Variants in ASIC2 observed in about 807,000 individuals in gnomAD.
The protein encoded by ASIC2 is acid sensing ion channel subunit 2, also known as acid-sensing ion channel 2.
Under a neutral mutation model 57.3 loss-of-function variants are expected in ASIC2, and 25 were observed. The observed-to-expected ratio is 0.44, with a 90% CI of 0.32 to 0.61. The LOEUF (loss-of-function observed/expected upper bound fraction) is 0.61, where lower values mean the gene tolerates loss of function less well. Ranked by LOEUF, ASIC2 falls within the 20% of genes least tolerant of loss-of-function variation. ASIC2 has a pLI of 0.06. For synonymous variants in ASIC2, 319 were observed against 307.5 expected (o/e 1.04, Z -0.39); for missense variants, 641 against 738.1 (o/e 0.87, Z 1.52).
intron 1 of ASIC2, among the ~76,000 whole-genome samples, chr17:34,029,047 C>T (rs57212122): frequency 0.1 from 15,657 of 152,200 alleles, 1,000 homozygotes; most frequent in Non-Finnish European, 0.14. Flanking sequence ...TTCGTTCAAA[C>T]GAAGTCTTCC....
At chr17:33,229,633 A>G (rs1783987598) in intron 1 of ASIC2, among the ~76,000 whole-genome samples, 1 of 152,232 alleles carries the variant, frequency 6.6e-6, no homozygotes, top group African/African-American at 2.4e-5. Flanking sequence ...GAGCACACAC[A>G]TGGAGACATG....
chr17:33,740,981 C>G (rs1305915456), intron 1 of ASIC2, among the ~76,000 whole-genome samples: 2 of 152,190 alleles, frequency 1.3e-5, no homozygotes, highest in Admixed American at 1.3e-4. Flanking sequence ...CCTTAAGAGA[C>G]TCTCTCGGCT....
chr17:33,019,750 C>G (rs951978994), intron 7 of ASIC2, among the ~76,000 whole-genome samples: 1 of 151,968 alleles, frequency 6.6e-6, no homozygotes, highest in Non-Finnish European at 1.5e-5. Flanking sequence ...TCATATCTGA[C>G]GCAGACATGA....
intron 1 of ASIC2, among the ~76,000 whole-genome samples, chr17:33,726,598 A>G (rs894181839): frequency 1.3e-5 from 2 of 152,176 alleles, no homozygotes; most frequent in Admixed American, 1.3e-4. Flanking sequence ...CACAGACTCT[A>G]GGCTCTCTGC....
At chr17:33,875,885 G>T (rs1240800926) in intron 1 of ASIC2, among the ~76,000 whole-genome samples, 1 of 151,920 alleles carries the variant, frequency 6.6e-6, no homozygotes, top group Non-Finnish European at 1.5e-5. Context: ...CTCAATGGAG[G>T]TCTCTGAATT....
intron 1 of ASIC2, among the ~76,000 whole-genome samples, chr17:34,052,524 C>A (rs900159619): frequency 4.6e-5 from 7 of 152,152 alleles, no homozygotes. Context: ...CTTATTGCCT[C>A]CCCACCATCC....
intron 1 of ASIC2, among the ~76,000 whole-genome samples, chr17:34,033,072 T>C (rs988596717): frequency 1.3e-5 from 2 of 152,132 alleles, no homozygotes; most frequent in Non-Finnish European, 2.9e-5. Context: ...TTCTTTTCAG[T>C]ACCACACCAC....
intron 1 of ASIC2, among the ~76,000 whole-genome samples, chr17:33,657,757 T>TAAAAA (rs34103812): frequency 4.8e-5 from 5 of 103,490 alleles, no homozygotes; most frequent in African/African-American, 1.8e-4. Context: ...TGGCAGTTTC[T>TAAAAA]AAAAAAAAAA....
At chr17:33,868,525 C>T (rs1308578517) in intron 1 of ASIC2, among the ~76,000 whole-genome samples, 1 of 152,030 alleles carries the variant, frequency 6.6e-6, no homozygotes, top group Non-Finnish European at 1.5e-5. Context: ...AGGCATAAAT[C>T]TCTGAGCCCT....
intron 1 of ASIC2, among the ~76,000 whole-genome samples, chr17:33,556,580 G>T (rs1915915380): frequency 6.6e-6 from 1 of 152,174 alleles, no homozygotes; most frequent in African/African-American, 2.4e-5. Context: ...TTAAACTTTT[G>T]TGAAGCATAA....
chr17:33,231,867 T>C (rs1192643619), intron 1 of ASIC2, among the ~76,000 whole-genome samples: 1 of 152,154 alleles, frequency 6.6e-6, no homozygotes, highest in African/African-American at 2.4e-5. Flanking sequence ...AGATGAGCAA[T>C]GGGGAGGGGG....
At chr17:33,235,925 C>T (rs983409686) in intron 1 of ASIC2, among the ~76,000 whole-genome samples, 4 of 152,096 alleles carry the variant, frequency 2.6e-5, no homozygotes, top group Non-Finnish European at 5.9e-5. Flanking sequence ...CGACCTCCTC[C>T]TCCCGGGTTC....
intron 1 of ASIC2, among the ~76,000 whole-genome samples, chr17:33,579,163 G>A (rs1051921984): frequency 2.0e-5 from 3 of 151,780 alleles, no homozygotes; most frequent in Non-Finnish European, 2.9e-5. Context: ...GTGGGCGCCT[G>A]TAATCCCAGC....
At chr17:33,355,277 G>A (rs1908332332) in intron 1 of ASIC2, among the ~76,000 whole-genome samples, 1 of 152,190 alleles carries the variant, frequency 6.6e-6, no homozygotes, top group East Asian at 1.9e-4. Context: ...AGAGGTTGCA[G>A]TGAGCCAAGA....
intron 1 of ASIC2, among the ~76,000 whole-genome samples, chr17:33,278,279 C>CT (rs1301186250): frequency 6.7e-6 from 1 of 149,500 alleles, no homozygotes; most frequent in African/African-American, 2.5e-5. Context: ...TACATATTAT[C>CT]TGCTCCTTTA....
intron 1 of ASIC2, among the ~76,000 whole-genome samples, chr17:33,430,349 G>A (rs534324231): frequency 6.6e-6 from 1 of 152,154 alleles, no homozygotes; most frequent in Non-Finnish European, 1.5e-5. Flanking sequence ...CTCCTGGGGG[G>A]AAAATCTAGA....
chr17:33,210,459 C>A (rs1907226028), intron 1 of ASIC2, among the ~76,000 whole-genome samples: 1 of 152,196 alleles, frequency 6.6e-6, no homozygotes. Flanking sequence ...AACTCTCCAT[C>A]TGCACTCTCA....
At chr17:34,109,753 T>G (rs1699842433) in intron 1 of ASIC2, among the ~76,000 whole-genome samples, 1 of 152,186 alleles carries the variant, frequency 6.6e-6, no homozygotes, top group African/African-American at 2.4e-5. Context: ...CTCATTCATA[T>G]ACTCTACTCT....
chr17:33,877,947 C>T (rs958422778), intron 1 of ASIC2, among the ~76,000 whole-genome samples: 1 of 152,202 alleles, frequency 6.6e-6, no homozygotes, highest in Non-Finnish European at 1.5e-5. Flanking sequence ...ATTTGCTGTT[C>T]AACAATATCC....
Sources: allele counts gnomAD v4.1 joint callset (sites outside exome capture counted in the v4.1 genomes callset), GRCh38; gene constraint gnomAD v4.1.1; transcripts MANE v1.5; gene names NCBI Gene and HGNC (gene_info 2026-07-23, HGNC 2026-07-21).